Variants in KDM5A observed in about 807,000 individuals in gnomAD.
KDM5A encodes lysine-specific demethylase 5A.
KDM5A carries 42 observed loss-of-function variants against 193.5 expected under a neutral mutation model. The observed-to-expected ratio is 0.22, with a 90% CI of 0.17 to 0.28. The LOEUF (loss-of-function observed/expected upper bound fraction) is 0.28. Among genes scored for constraint, KDM5A ranks in the 10% least tolerant of loss-of-function variants. KDM5A has a pLI of 1.00. For synonymous variants in KDM5A, 796 were observed against 718.1 expected, an observed-to-expected ratio of 1.11 and a Z score of -1.73; for missense variants, 1,692 against 2,055.1, an observed-to-expected ratio of 0.82 and a Z score of 3.42.
intron 1 of KDM5A, 133 bp downstream of exon 1, chr12:388,794 C>T (rs1944683126): frequency 8.6e-7 from 1 of 1,168,694 alleles, no homozygotes; most frequent in Non-Finnish European, 1.3e-6. Flanking sequence ...CAAAAACATC[C>T]AGAAACAGGC....
chr12:386,354 G>A (rs1029793867), intron 1 of KDM5A, among the ~76,000 whole-genome samples: 2 of 152,094 alleles, frequency 1.3e-5, no homozygotes, highest in African/African-American at 4.8e-5. Context: ...GGTGCATAAC[G>A]CTTGTGTATA....
chr12:357,715 C>G (rs995662883), intron 5 of KDM5A, among the ~76,000 whole-genome samples: 2 of 147,838 alleles, frequency 1.4e-5, no homozygotes, highest in African/African-American at 2.5e-5. Flanking sequence ...ATAGTCCCAG[C>G]TACTTGGGAG....
chr12:342,942 C>T (rs2137437304), intron 10 of KDM5A, among the ~76,000 whole-genome samples: 1 of 152,238 alleles, frequency 6.6e-6, no homozygotes, highest in East Asian at 1.9e-4. Flanking sequence ...TGGGTGCAGC[C>T]CACAGAGGGC....
chr12:353,427 T>G (rs1944187814), intron 8 of KDM5A, among the ~76,000 whole-genome samples: 1 of 152,204 alleles, frequency 6.6e-6, no homozygotes. Context: ...TACAGCTTCA[T>G]GTCTAGTTAT....
At chr12:381,670 C>G (rs556024990) in intron 3 of KDM5A, among the ~76,000 whole-genome samples, 1 of 152,252 alleles carries the variant, frequency 6.6e-6, no homozygotes, top group South Asian at 2.1e-4. Context: ...TGCTTACTTA[C>G]TAACATCATT....
chr12:359,518 A>G (rs1944267411), intron 5 of KDM5A, among the ~76,000 whole-genome samples: 1 of 151,304 alleles, frequency 6.6e-6, no homozygotes, highest in East Asian at 2.0e-4. Flanking sequence ...TTGGGAGGCT[A>G]AGGCAGGCAG....
chr12:297,222 G>A, intron 24 of KDM5A, 22 bp from the exon 25 acceptor site: 1 of 1,612,638 alleles, frequency 6.2e-7, no homozygotes. Flanking sequence ...ACAAAGAGAA[G>A]TATTCAGAAT....
rs183698912 is a variant in KDM5A at position 300,265 on chromosome 12, T to C, written c.4075-3065A>G. ...GCACCACATCATACTTATTCTAAAATTGACCCCATAATTGGAAGTAAAACA... is the reference window on the plus strand; with the variant it reads ...GCACCACATCATACTTATTCTAAAACTGACCCCATAATTGGAAGTAAAACA... On this transcript the variant is annotated intron_variant, in intron 24 of 27. Coordinates refer to ENST00000399788, the MANE Select transcript of KDM5A (RefSeq NM_001042603.3). Among the ~76,000 whole-genome samples the C allele has an allele frequency of 4.1e-3, 628 of 152,166 alleles. 4 individuals are homozygous for C. Among genetic ancestry groups the C allele is most frequent in the Admixed American group, 4.4e-3 (67 of 15,284 alleles).
At chr12:381,641 TAGACA>T (rs974172442) in intron 3 of KDM5A, among the ~76,000 whole-genome samples, 1 of 152,156 alleles carries the variant, frequency 6.6e-6, no homozygotes, top group African/African-American at 2.4e-5. Context: ...ATAACTATAC[TAGACA>T]ATTCTTGACA....
chr12:343,968 G>A (rs1944038150), intron 10 of KDM5A, among the ~76,000 whole-genome samples: 1 of 152,164 alleles, frequency 6.6e-6, no homozygotes. Flanking sequence ...AAACTTCTCC[G>A]AGCTAAAGGA....
At chr12:360,897 AGAG>A (rs888037609) in intron 5 of KDM5A, among the ~76,000 whole-genome samples, 2 of 152,196 alleles carry the variant, frequency 1.3e-5, no homozygotes, top group African/African-American at 4.8e-5. Flanking sequence ...AAGGGATGGA[AGAG>A]GAGGGATTAT....
chr12:334,174 A>C (rs1943896739), intron 11 of KDM5A, 67 bp downstream of exon 11: 1 of 1,393,178 alleles, frequency 7.2e-7, no homozygotes, highest in African/African-American at 1.4e-5. Context: ...AAGATCAAAA[A>C]CCTAGCATCA....
intron 20 of KDM5A, among the ~76,000 whole-genome samples, chr12:312,363 T>G (rs1322862246): frequency 6.6e-6 from 1 of 152,194 alleles, no homozygotes; most frequent in Non-Finnish European, 1.5e-5. Flanking sequence ...TCTAGAATAG[T>G]AGCAAGAGTA....
rs1162322043 is a variant in KDM5A, at chr12:331,897, T to C, written c.1695A>G (p.Thr565=). The C allele has an allele frequency of 5.0e-6, 8 of 1,613,914 alleles. No individual in the cohort carries two copies. Among genetic ancestry groups the C allele is most frequent in the East Asian group, 2.2e-5 (1 of 44,886 alleles). The change falls in exon 13 of 28, where the codon ACA becomes ACG. Residue 565 remains threonine (T), a synonymous_variant. Coordinates refer to ENST00000399788, the MANE Select transcript of KDM5A (RefSeq NM_001042603.3). ...TNQCAGEFVV[T]FPRAYHSGFN... is the part of the protein sequence containing the mutation. ...ATCCAGAGTGATAGGCACGAGGAAA[T>C]GTCACAACAAACTCGCCAGCACACT...
Position 363,054 on chromosome 12 carries a change from G to A in KDM5A, c.581C>T (p.Pro194Leu), listed in dbSNP as rs1252003711. Reference sequence around the variant, plus strand: ...TTGGGTATCAGTGCTGAGAACCTCAGGCTCCACTTTTTCTTTAAGATCTAA... The same window carrying A: ...TTGGGTATCAGTGCTGAGAACCTCAAGCTCCACTTTTTCTTTAAGATCTAA... ...PNLDLKEKVEPEVLSTDTQTS... is the reference protein window; with the variant it reads ...PNLDLKEKVELEVLSTDTQTS... Residue 194 changes from proline (P) to leucine (L), a missense_variant, in exon 5 of 28, where the codon CCT becomes CTT. By Grantham distance (98) the Pro-to-Leu change is moderately conservative. Transcript: ENST00000399788. 2 of 1,613,824 alleles carry A rather than the reference G, an allele frequency of 1.2e-6. No individual in the cohort carries two copies. Among genetic ancestry groups the A allele is most frequent in the Non-Finnish European group, 1.7e-6 (2 of 1,179,860 alleles).
rs188696214 is a variant in KDM5A at position 382,942 on chromosome 12, G to A, written c.366+1089C>T. Among the ~76,000 whole-genome samples the A allele has an allele frequency of 1.2e-3, 176 of 151,176 alleles. 1 individual carries two copies. Among genetic ancestry groups the A allele is most frequent in the African/African-American group, 3.6e-3 (149 of 41,278 alleles). On this transcript the variant is annotated intron_variant, in intron 3 of 27. Coordinates refer to ENST00000399788, the MANE Select transcript of KDM5A (RefSeq NM_001042603.3). Reference sequence around the variant, plus strand: ...GCAAAACTCCATCTCAAAAAAAAGAGAAAAAAACATATCTCAAGGTTATTA... The same window carrying A: ...GCAAAACTCCATCTCAAAAAAAAGAAAAAAAAACATATCTCAAGGTTATTA...
chr12:332,095 A>G (rs1943873428), intron 12 of KDM5A, among the ~76,000 whole-genome samples, 157 bp from the exon 13 acceptor site: 1 of 152,274 alleles, frequency 6.6e-6, no homozygotes, highest in East Asian at 1.9e-4. Flanking sequence ...AGAAATAGCC[A>G]GAATTCTACC....
intron 3 of KDM5A, among the ~76,000 whole-genome samples, chr12:374,750 C>T (rs1190695450): frequency 8.5e-5 from 13 of 152,164 alleles, no homozygotes; most frequent in Admixed American, 8.5e-4. Context: ...CCTTCAGGAG[C>T]TCTTGTAGGG....
At chr12:351,410 T>C (rs1022714429) in intron 9 of KDM5A, among the ~76,000 whole-genome samples, 1 of 152,144 alleles carries the variant, frequency 6.6e-6, no homozygotes, top group Admixed American at 6.6e-5. Flanking sequence ...TATGACTGCA[T>C]AGTATTCCAT....
Sources: allele counts gnomAD v4.1 joint callset (sites outside exome capture counted in the v4.1 genomes callset), GRCh38; gene constraint gnomAD v4.1.1; transcripts MANE v1.5; gene names NCBI Gene and HGNC (gene_info 2026-07-23, HGNC 2026-07-21).